HCK: variants seen among roughly 807,000 people sequenced by gnomAD.
HCK encodes tyrosine-protein kinase HCK.
Under a neutral mutation model 70.4 loss-of-function variants are expected in HCK, and 40 were observed. The observed-to-expected ratio is 0.57, with a 90% CI of 0.44 to 0.74. The LOEUF (loss-of-function observed/expected upper bound fraction) is 0.74. HCK is among the 30% of genes least tolerant of loss of function. The pLI, the probability that HCK is intolerant of heterozygous loss-of-function variation, is 0.00. For missense variants in HCK, 568 were observed against 697.2 expected, an observed-to-expected ratio of 0.81 and a Z score of 2.09; for synonymous variants, 245 against 263.2, an observed-to-expected ratio of 0.93 and a Z score of 0.67.
At position 32,071,753 on chromosome 20, in the gene HCK, G is replaced by T. The variant is rs146996549; in HGVS notation, c.154G>T (p.Val52Leu). The stretch of plus-strand genomic sequence containing the variant: ...CGCCAGCCCACACTGTCCTGTGTAC[G>T]TGCCGGATCCCACATCCACCATCAA... The change falls in exon 2 of 13, where the codon GTG (valine) becomes TTG (leucine). Residue 52 changes from valine (V) to leucine (L), a missense_variant. By Grantham distance (32) the Val-to-Leu change is conservative. Coordinates refer to ENST00000375852, the MANE Select transcript of HCK (RefSeq NM_002110.5). The T allele has an allele frequency of 3.6e-5, 58 of 1,613,792 alleles. 1 individual carries two copies. Among genetic ancestry groups the T allele is most frequent in the Non-Finnish European group, 4.7e-5 (55 of 1,179,938 alleles).
intron 8 of HCK, among the ~76,000 whole-genome samples, 194 bp downstream of exon 8, chr20:32,084,737 T>A (rs1344591357): frequency 6.6e-6 from 1 of 152,222 alleles, no homozygotes; most frequent in Non-Finnish European, 1.5e-5. Flanking sequence ...GATTTGCCTT[T>A]GAGACCAGTC....
Position 32,094,773 on chromosome 20 carries a change from GAA to G in HCK, c.1246+759_1246+760del, listed in dbSNP as rs1341721002. On this transcript the variant is annotated intron_variant, in intron 11 of 12. Transcript: ENST00000375852. ...AGAAAGAAAGAAAGAAGGAAAGAAA[GAA>G]AGAGAGAGAAAGAGAAAGAAAGAAA... 2.7e-3 allele frequency among the ~76,000 whole-genome samples: 316 copies of G among 116,620 alleles called. 4 individuals are homozygous for G. The highest frequency in any genetic ancestry group is 4.2e-3 in the African/African-American group (124 of 29,270). The allele number at this position is 116,620 out of a possible 152,430, so 76.5% of individuals were successfully genotyped here. A position where few individuals can be genotyped will look rare whatever the true frequency, so the allele number is the denominator to read the frequency against.
chr20:32,055,231 A>C (rs1423229513), intron 1 of HCK, among the ~76,000 whole-genome samples: 2 of 152,190 alleles, frequency 1.3e-5, no homozygotes, highest in Non-Finnish European at 2.9e-5. Context: ...TCTGGGGCAG[A>C]GAAGAGAGAA....
chr20:32,053,930 T>C (rs954940969), intron 1 of HCK, among the ~76,000 whole-genome samples: 2 of 152,052 alleles, frequency 1.3e-5, no homozygotes, highest in African/African-American at 4.8e-5. Context: ...GGGTAGCCTA[T>C]GCCTGGCACA....
chr20:32,058,259 C>T (rs1348620822), intron 1 of HCK, among the ~76,000 whole-genome samples: 2 of 151,964 alleles, frequency 1.3e-5, no homozygotes, highest in Non-Finnish European at 2.9e-5. Context: ...AGGCTGGGCA[C>T]GGTGGCTCAC....
rs2045609611 is a variant in HCK at position 32,075,543 on chromosome 20, C to G, written c.428+822C>G. ...TCATTCGACAAGCACATGCTCATGA[C>G]TCTTCAAGCCCTGTGCCAGCCTAAG... is the stretch of plus-strand genomic sequence containing the variant. On this transcript the variant is annotated intron_variant, in intron 5 of 12. Coordinates refer to ENST00000375852, the MANE Select transcript of HCK (RefSeq NM_002110.5). Among the ~76,000 whole-genome samples, 5 of 152,188 alleles carry G rather than the reference C, an allele frequency of 3.3e-5. No individual in the cohort carries two copies. The South Asian group carries it at 1.0e-3, about 32-fold the overall frequency.
intron 1 of HCK, among the ~76,000 whole-genome samples, chr20:32,060,956 G>A (rs1337811105): frequency 2.6e-5 from 4 of 151,868 alleles, no homozygotes; most frequent in East Asian, 3.9e-4. Flanking sequence ...CTGCCATGCC[G>A]TATTTTTTTT....
intron 10 of HCK, among the ~76,000 whole-genome samples, chr20:32,089,551 C>T (rs1215413145): frequency 1.3e-5 from 2 of 152,202 alleles, no homozygotes; most frequent in Non-Finnish European, 2.9e-5. Context: ...CTGGCTGAGT[C>T]AAAAGAGCAC....
At position 32,094,785 on chromosome 20, in the gene HCK, AAG is replaced by A. The variant is rs1291841082; in HGVS notation, c.1246+773_1246+774del. On this transcript the variant is annotated intron_variant, in intron 11 of 12. Coordinates refer to ENST00000375852, the MANE Select transcript of HCK (RefSeq NM_002110.5). ...AGAAGGAAAGAAAGAAAGAGAGAGA[AAG>A]AGAAAGAAAGAAAGAAAGAAAGAAA... 5.2e-3 allele frequency among the ~76,000 whole-genome samples: 391 copies of A among 74,548 alleles called. 5 individuals carry two copies. The highest frequency in any genetic ancestry group is 0.018 in the African/African-American group (250 of 13,988). The allele number at this position is 74,548 out of a possible 152,430, so 48.9% of individuals were successfully genotyped here. A position where few individuals can be genotyped will look rare whatever the true frequency, so the allele number is the denominator to read the frequency against.
chr20:32,094,188 C>T (rs909164965), intron 11 of HCK, among the ~76,000 whole-genome samples, 172 bp downstream of exon 11: 1 of 152,164 alleles, frequency 6.6e-6, no homozygotes, highest in African/African-American at 2.4e-5. Context: ...CAGAGTCTCA[C>T]TCAGAGATTT....
Position 32,054,674 on chromosome 20 carries a change from C to T in HCK, c.62+2188C>T, listed in dbSNP as rs557770250. Among the ~76,000 whole-genome samples the T allele has an allele frequency of 7.4e-5, 11 of 148,856 alleles. No homozygotes were observed. The East Asian group carries it at 2.3e-3, about 31-fold the overall frequency. ...ACAAAAAATTAGCCGGGCATGGTGG[C>T]GGGCGCCTGTAGTCCCAGCTACTGG... is the stretch of plus-strand genomic sequence containing the variant. On this transcript the variant is annotated intron_variant, in intron 1 of 12. Transcript: ENST00000375852.
At chr20:32,069,001 A>T (rs1053874417) in intron 1 of HCK, among the ~76,000 whole-genome samples, 10 of 152,132 alleles carry the variant, frequency 6.6e-5, no homozygotes, top group Non-Finnish European at 1.0e-4. Flanking sequence ...TCCCTATTTT[A>T]AAAAAAGCGA....
intron 1 of HCK, among the ~76,000 whole-genome samples, chr20:32,061,127 G>A (rs183892364): frequency 3.8e-4 from 58 of 152,294 alleles, no homozygotes; most frequent in African/African-American, 1.3e-3. Context: ...AGGATTACAA[G>A]CATGCGCCAC....
chr20:32,076,209 C>T (rs2045623191), intron 5 of HCK, among the ~76,000 whole-genome samples: 1 of 152,090 alleles, frequency 6.6e-6, no homozygotes, highest in Non-Finnish European at 1.5e-5. Context: ...GCCTGTAGTC[C>T]CAGCTACTCG....
At chr20:32,094,661 T>C (rs2045909283) in intron 11 of HCK, among the ~76,000 whole-genome samples, 1 of 142,232 alleles carries the variant, frequency 7.0e-6, no homozygotes, top group African/African-American at 2.7e-5. Context: ...GCACCCAGCC[T>C]GGTGGACAGA....
At chr20:32,056,447 C>A (rs913979608) in intron 1 of HCK, among the ~76,000 whole-genome samples, 1 of 151,218 alleles carries the variant, frequency 6.6e-6, no homozygotes, top group African/African-American at 2.4e-5. Context: ...ACCCGGGAGG[C>A]GGAGCTTGCA....
chr20:32,091,324 C>T (rs529661768), intron 10 of HCK, among the ~76,000 whole-genome samples: 1 of 152,370 alleles, frequency 6.6e-6, no homozygotes, highest in Admixed American at 6.5e-5. Context: ...CCCCAAGCAG[C>T]GCTTTTGGAG....
intron 1 of HCK, among the ~76,000 whole-genome samples, chr20:32,054,900 A>C (rs1027640728): frequency 1.3e-5 from 2 of 152,244 alleles, no homozygotes; most frequent in African/African-American, 4.8e-5. Flanking sequence ...CCATCTTATC[A>C]TTAAGTTGTC....
chr20:32,081,723 G>T (rs1055891453), intron 6 of HCK, among the ~76,000 whole-genome samples: 3 of 152,198 alleles, frequency 2.0e-5, no homozygotes, highest in African/African-American at 7.2e-5. Context: ...GCCCCCAGGG[G>T]GAAGAAAAGG....
Sources: gnomAD v4.1 joint callset for allele counts (sites outside exome capture counted in the v4.1 genomes callset) on GRCh38, gnomAD v4.1.1 for gene constraint, MANE v1.5 for transcripts, NCBI Gene and HGNC (gene_info 2026-07-23, HGNC 2026-07-21) for gene names.